Variants in APOF observed in about 807,000 individuals in gnomAD.
APOF encodes lipid transfer inhibitor protein.
A neutral mutation model predicts 2.4 loss-of-function variants in APOF; 2 were observed. That is an observed-to-expected ratio of 0.83 (90% CI 0.34 to 2.61). The LOEUF (loss-of-function observed/expected upper bound fraction) is 2.61. Ranked by LOEUF, APOF falls within the 30% of genes most tolerant of loss-of-function variation. The pLI is 0.11. For missense variants in APOF, 370 were observed against 388.7 expected, an observed-to-expected ratio of 0.95 and a Z score of 0.40; for synonymous variants, 149 against 155.6, an observed-to-expected ratio of 0.96 and a Z score of 0.32.
rs1230872448 is a variant in APOF at position 56,361,468 on chromosome 12, T to C, written c.738A>G (p.Lys246=). The C allele has an allele frequency of 1.2e-6, 2 of 1,613,894 alleles. No homozygotes were observed. The highest frequency in any genetic ancestry group is 1.3e-5 in the African/African-American group (1 of 74,912). The change falls in exon 2 of 2, where the codon AAA becomes AAG. Residue 246 remains lysine (K), a synonymous_variant. Transcript: ENST00000398189. ...GCTGAACCCCAGACCTTAATGCAGG[T>C]TTAAGTGCAGCACTGATCGCTAGAC... is the stretch of plus-strand genomic sequence containing the variant. The part of the protein sequence containing the change: ...PMGLAISAAL[K]PALRSGVQQL...
chr12:56,362,208 C>G lies in APOF; in HGVS notation c.17-19G>C. The G allele has an allele frequency of 6.2e-7, 1 of 1,604,250 alleles. No homozygotes were observed. The highest frequency in any genetic ancestry group is 8.5e-7 in the Non-Finnish European group (1 of 1,176,506). ...GAGTACCCTAGAAAGGGGAGAAATC[C>G]GAAACATACAAACCATTTCCCTAAG... is the stretch of plus-strand genomic sequence containing the variant. On this transcript the variant is annotated intron_variant, in intron 1 of 1. Transcript: ENST00000398189.
chr12:56,362,002 C>A lies in APOF; in HGVS notation c.204G>T (p.Leu68=). ...TGAAACCAGGCAGTGACTTTGGGTGCAGAAATTGGCAGGACAAGGGGTCTG... is the reference window on the plus strand; with the variant it reads ...TGAAACCAGGCAGTGACTTTGGGTGAAGAAATTGGCAGGACAAGGGGTCTG... ...PSSDPLSCQF[L]HPKSLPGFSH... The change falls in exon 2 of 2, where the codon CTG becomes CTT. Residue 68 remains leucine (L), a synonymous_variant. Coordinates refer to ENST00000398189, the MANE Select transcript of APOF (RefSeq NM_001638.4). The A allele has an allele frequency of 6.2e-7, 1 of 1,613,958 alleles. No individual in the cohort carries two copies. Among genetic ancestry groups the A allele is most frequent in the African/African-American group, 1.3e-5 (1 of 75,022 alleles).
Position 56,361,801 on chromosome 12 carries a change from GCTT to G in APOF, c.402_404del (p.Arg134del). 1 of 1,612,588 alleles carries G rather than the reference GCTT, an allele frequency of 6.2e-7. No homozygotes were observed. The highest frequency in any genetic ancestry group is 8.5e-7 in the Non-Finnish European group (1 of 1,179,336). ...CTTCCACTGACACGTTCCTCTCTGT[GCTT>G]CTGCCTTTCTGGAGCCCTCGAAGAT... On this transcript the variant is annotated inframe_deletion, in exon 2 of 2. Coordinates refer to ENST00000398189, the MANE Select transcript of APOF (RefSeq NM_001638.4).
chr12:56,362,526 C>G (rs1284969210), intron 1 of APOF, among the ~76,000 whole-genome samples: 1 of 152,162 alleles, frequency 6.6e-6, no homozygotes, highest in Non-Finnish European at 1.5e-5. Flanking sequence ...ACTTTGGGCT[C>G]AAGTGATCCT....
chr12:56,361,663 AT>A lies in APOF; in HGVS notation c.542del (p.Asn181MetfsTer2), dbSNP rs767159954. ...CENEKEQAVH[N>X]VVQLLPGVGT... ...CCACTCCTGGCAGCAGCTGGACTACATTGTGCACAGCTTGCTCCTTCTCATT... is the reference window on the plus strand; with the variant it reads ...CCACTCCTGGCAGCAGCTGGACTACATGTGCACAGCTTGCTCCTTCTCATT... On this transcript the variant is annotated frameshift_variant, in exon 2 of 2. Coordinates refer to ENST00000398189, the MANE Select transcript of APOF (RefSeq NM_001638.4). LOFTEE classifies it low-confidence loss of function (END_TRUNC). 1 of 1,612,524 alleles carries A rather than the reference AT, an allele frequency of 6.2e-7. No homozygotes were observed. The highest frequency in any genetic ancestry group is 1.1e-5 in the South Asian group (1 of 90,806).
chr12:56,361,887 G>A lies in APOF; in HGVS notation c.319C>T (p.Leu107=), dbSNP rs772957353. The A allele has an allele frequency of 3.1e-6, 5 of 1,613,874 alleles. No individual in the cohort carries two copies. The highest frequency in any genetic ancestry group is 4.2e-6 in the Non-Finnish European group (5 of 1,179,842). ...EAGCQADVWA[L]QLQLYRQGGV... ...CCCTGGCGGTAGAGCTGTAGCTGTA[G>A]AGCCCAAACATCAGCCTGACAACCA... Residue 107 remains leucine (L), a synonymous_variant, in exon 2 of 2, where the codon CTA becomes TTA. Transcript: ENST00000398189.
rs775745627 is a variant in APOF at position 56,362,791 on chromosome 12, G to T, written c.-46C>A. The stretch of plus-strand genomic sequence containing the variant: ...GTAGGTTTGATCGCTTCCTGATCCT[G>T]TTCTGCCTAGTTCTGTGTCCCATGA... On this transcript the variant is annotated 5_prime_UTR_variant, in exon 1 of 2. Transcript: ENST00000398189. The T allele has an allele frequency of 6.2e-7, 1 of 1,606,322 alleles. No individual in the cohort carries two copies. The highest frequency in any genetic ancestry group is 8.5e-7 in the Non-Finnish European group (1 of 1,173,662).
intron 1 of APOF, 47 bp downstream of exon 1, chr12:56,362,683 A>G: frequency 3.1e-6 from 5 of 1,606,874 alleles, no homozygotes; most frequent in Non-Finnish European, 4.3e-6. Flanking sequence ...ACAGGTCACC[A>G]GGGACTTCTG....
In APOF at chr12:56,360,865, GT is replaced by G; in HGVS notation, c.*359del. 4.0e-6 allele frequency: 1 copy of G among 249,918 alleles called. No individual in the cohort carries two copies. The highest frequency in any genetic ancestry group is 7.9e-6 in the Non-Finnish European group (1 of 126,842). The allele number at this position is 249,918 out of a possible 1,614,324, so 15.5% of individuals were successfully genotyped here. A position where few individuals can be genotyped will look rare whatever the true frequency, so the allele number is the denominator to read the frequency against. On this transcript the variant is annotated 3_prime_UTR_variant, in exon 2 of 2. Coordinates refer to ENST00000398189, the MANE Select transcript of APOF (RefSeq NM_001638.4). Reference sequence around the variant, plus strand: ...CTCTCACAGTGCTGGGATTACAGGCGTGAGCCACCGCACCTGGCTAATAGCT... The same window carrying G: ...CTCTCACAGTGCTGGGATTACAGGCGGAGCCACCGCACCTGGCTAATAGCT...
Position 56,362,001 on chromosome 12 carries a change from G to C in APOF, c.205C>G (p.His69Asp), listed in dbSNP as rs1057153538. Residue 69 changes from histidine to aspartate, a missense_variant, in exon 2 of 2, where the codon CAC becomes GAC. Coordinates refer to ENST00000398189, the MANE Select transcript of APOF (RefSeq NM_001638.4). ...CTGAAACCAGGCAGTGACTTTGGGT[G>C]CAGAAATTGGCAGGACAAGGGGTCT... is the stretch of plus-strand genomic sequence containing the variant. ...SSDPLSCQFL[H>D]PKSLPGFSHM... 4.3e-6 allele frequency: 7 copies of C among 1,613,906 alleles called. No homozygotes were observed. In the African/African-American group the frequency reaches 9.3e-5, roughly 22 times the overall value.
In APOF at chr12:56,361,145, A is replaced by C; in HGVS notation, c.*80T>G. The C allele has an allele frequency of 6.8e-7, 1 of 1,467,602 alleles. No individual in the cohort carries two copies. Among genetic ancestry groups the C allele is most frequent in the Non-Finnish European group, 9.2e-7 (1 of 1,089,828 alleles). 90.9% of individuals were successfully genotyped at this position (1,467,602 alleles called of 1,614,324 possible). On this transcript the variant is annotated 3_prime_UTR_variant, in exon 2 of 2. Coordinates refer to ENST00000398189, the MANE Select transcript of APOF (RefSeq NM_001638.4). ...TTACTGTACAGCCTTCCTCCTGGAT[A>C]AATCAGATTAAAATTTTGAAGACAT...
Position 56,362,169 on chromosome 12 carries a change from G to T in APOF, c.37C>A (p.Arg13Ser), listed in dbSNP as rs539168304. ...GGTATCATGATGAGTCTGAGGCCAC[G>T]CATGTCTGGAGCAGAGTACCCTAGA... is the stretch of plus-strand genomic sequence containing the variant. ...GLCGYSAPDM[R>S]GLRLIMIPVE... The change falls in exon 2 of 2, where the codon CGT becomes AGT. Residue 13 changes from arginine to serine, a missense_variant. Coordinates refer to ENST00000398189, the MANE Select transcript of APOF (RefSeq NM_001638.4). The T allele has an allele frequency of 3.7e-6, 6 of 1,613,012 alleles. No homozygotes were observed. The East Asian group carries it at 1.3e-4, about 36-fold the overall frequency.
At position 56,361,382 on chromosome 12, in the gene APOF, TTGG is replaced by T. The variant is rs764419144; in HGVS notation, c.821_823del (p.Thr274del). On this transcript the variant is annotated inframe_deletion, in exon 2 of 2. Coordinates refer to ENST00000398189, the MANE Select transcript of APOF (RefSeq NM_001638.4). ...ATCTGAGATGGCCCTCAAACCCTCC[TTGG>T]TGGTCTCCGGCTGAGAGATGTTTGC... 1.9e-6 allele frequency: 3 copies of T among 1,613,948 alleles called. No individual in the cohort carries two copies. The highest frequency in any genetic ancestry group is 2.5e-6 in the Non-Finnish European group (3 of 1,179,918).
rs761191202 is a variant in APOF, at chr12:56,361,301, C to CT, written c.904dup (p.Ser302LysfsTer15). The stretch of plus-strand genomic sequence containing the variant: ...GGCCCACCCCCAGTAGGGAGCTGAA[C>CT]TTACTACTTCTGATATGAAAGAAGC... On this transcript the variant is annotated frameshift_variant, in exon 2 of 2. Transcript: ENST00000398189. LOFTEE classifies it low-confidence loss of function (END_TRUNC). 2.5e-6 allele frequency: 4 copies of CT among 1,613,930 alleles called. No individual in the cohort carries two copies. The South Asian group carries it at 3.3e-5, about 13-fold the overall frequency.
rs1376851657 is a variant in APOF, at chr12:56,361,695, A to G, written c.511T>C (p.Cys171Arg). The G allele has an allele frequency of 6.2e-6, 10 of 1,610,760 alleles. No homozygotes were observed. Among genetic ancestry groups the G allele is most frequent in the Non-Finnish European group, 8.5e-6 (10 of 1,178,654 alleles). ...RVGRSLPTED[C>R]ENEKEQAVHN... ...ACAGCTTGCTCCTTCTCATTCTCAC[A>G]GTCCTCTGTCGGGAGGGAGCGCCCG... The change falls in exon 2 of 2, where the codon TGT becomes CGT. Residue 171 changes from cysteine to arginine, a missense_variant. Physicochemically the swap from Cys to Arg is radical, Grantham distance 180. Coordinates refer to ENST00000398189, the MANE Select transcript of APOF (RefSeq NM_001638.4).
intron 1 of APOF, among the ~76,000 whole-genome samples, chr12:56,362,392 C>T (rs34934555): frequency 0.017 from 2,652 of 152,190 alleles, 36 homozygotes; most frequent in Non-Finnish European, 0.03. Flanking sequence ...TTCCTGGGCT[C>T]GAGGGATCCT....
rs556656613 is a variant in APOF at position 56,361,486 on chromosome 12, C to G, written c.720G>C (p.Ala240=). The G allele has an allele frequency of 1.9e-6, 3 of 1,614,018 alleles. No homozygotes were observed. The highest frequency in any genetic ancestry group is 4.5e-5 in the East Asian group (2 of 44,890). Reference sequence around the variant, plus strand: ...ATGCAGGTTTAAGTGCAGCACTGATCGCTAGACCCATAGGCCCCCCTGACA... The same window carrying G: ...ATGCAGGTTTAAGTGCAGCACTGATGGCTAGACCCATAGGCCCCCCTGACA... ...AGMSGGPMGL[A]ISAALKPALR... is the part of the protein sequence containing the mutation. The change falls in exon 2 of 2, where the codon GCG becomes GCC. Residue 240 remains alanine (A), a synonymous_variant. Transcript: ENST00000398189.
chr12:56,361,056 G>A lies in APOF; in HGVS notation c.*169C>T. The stretch of plus-strand genomic sequence containing the variant: ...TCAGTGATCACCGAGGCTCTAACAA[G>A]TGGAGCCTAGATTCGAAACCAAACC... On this transcript the variant is annotated 3_prime_UTR_variant, in exon 2 of 2. Transcript: ENST00000398189. 1.4e-6 allele frequency: 1 copy of A among 699,348 alleles called. No individual in the cohort carries two copies. The highest frequency in any genetic ancestry group is 2.3e-6 in the Non-Finnish European group (1 of 430,876). 43.3% of individuals were successfully genotyped at this position (699,348 alleles called of 1,614,324 possible).
chr12:56,361,223 T>C lies in APOF; in HGVS notation c.*2A>G, dbSNP rs770104575. 1.2e-6 allele frequency: 2 copies of C among 1,611,198 alleles called. No individual in the cohort carries two copies. The highest frequency in any genetic ancestry group is 2.2e-5 in the South Asian group (2 of 90,910). ...TATTAATTCTGTGGTTACCACATTC[T>C]TTTATATCTCAAGACTCCCAGCCCC... On this transcript the variant is annotated 3_prime_UTR_variant, in exon 2 of 2. Transcript: ENST00000398189.
Sources: allele counts gnomAD v4.1 joint callset (sites outside exome capture counted in the v4.1 genomes callset), GRCh38; gene constraint gnomAD v4.1.1; transcripts MANE v1.5; gene names NCBI Gene and HGNC (gene_info 2026-07-23, HGNC 2026-07-21).